The following SYNPR variants were observed in gnomAD, a reference collection of about 807,000 sequenced individuals.
SYNPR encodes synaptoporin.
In SYNPR, 23 loss-of-function variants were observed where a neutral mutation model predicts 32.9. The observed-to-expected ratio is 0.70, with a 90% confidence interval of 0.50 to 0.99. The LOEUF (loss-of-function observed/expected upper bound fraction) is 0.99. SYNPR is among the 50% of genes least tolerant of loss of function. SYNPR has a pLI of 0.00. For missense variants in SYNPR, 318 were observed against 349.3 expected (o/e 0.91, Z 0.71); for synonymous variants, 146 against 135.9 (o/e 1.07, Z -0.52).
intron 3 of SYNPR, among the ~76,000 whole-genome samples, chr3:63,524,285 T>C (rs937223509): frequency 6.6e-6 from 1 of 152,154 alleles, no homozygotes; most frequent in Non-Finnish European, 1.5e-5. Context: ...AATACTGTAC[T>C]CAATGATGTC....
At chr3:63,567,765 C>A (rs969926821) in intron 4 of SYNPR, among the ~76,000 whole-genome samples, 4 of 152,148 alleles carry the variant, frequency 2.6e-5, no homozygotes, top group Non-Finnish European at 4.4e-5. Context: ...GATCTGAATC[C>A]CTTATGAGGG....
chr3:63,347,583 G>C (rs1178368177), intron 2 of SYNPR, among the ~76,000 whole-genome samples: 1 of 152,152 alleles, frequency 6.6e-6, no homozygotes, highest in Non-Finnish European at 1.5e-5. Flanking sequence ...CCATTACCTG[G>C]ATAGTGTACA....
At chr3:63,324,200 A>C (rs1322252711) in intron 2 of SYNPR, among the ~76,000 whole-genome samples, 2 of 152,152 alleles carry the variant, frequency 1.3e-5, no homozygotes, top group Non-Finnish European at 2.9e-5. Flanking sequence ...AAGTATTATT[A>C]ATCTCATTTT....
At chr3:63,419,101 C>T (rs1245933034) in intron 2 of SYNPR, among the ~76,000 whole-genome samples, 1 of 152,156 alleles carries the variant, frequency 6.6e-6, no homozygotes, top group Non-Finnish European at 1.5e-5. Flanking sequence ...GTCAAACAAA[C>T]TCTTATTTAT....
intron 2 of SYNPR, chr3:63,451,956 T>C (rs1203932854): frequency 1.3e-5 from 8 of 618,132 alleles, no homozygotes; most frequent in Non-Finnish European, 2.0e-5. Context: ...CTCTGAGTGG[T>C]ATTTATAAAC....
chr3:63,209,179 G>A, the SYNPR span, among the ~76,000 whole-genome samples: 5 of 152,020 alleles, frequency 3.3e-5, no homozygotes, highest in Admixed American at 6.6e-5. Flanking sequence ...CTAGCCGGGC[G>A]AGGTGGGGGT....
intron 2 of SYNPR, among the ~76,000 whole-genome samples, chr3:63,287,106 G>T (rs1005501051): frequency 6.6e-6 from 1 of 152,172 alleles, no homozygotes; most frequent in Non-Finnish European, 1.5e-5. Context: ...AAAGGATGAT[G>T]CTGCCAGTCG....
intron 2 of SYNPR, among the ~76,000 whole-genome samples, chr3:63,335,974 C>T (rs1456072380): frequency 1.3e-5 from 2 of 151,976 alleles, no homozygotes; most frequent in African/African-American, 4.8e-5. Flanking sequence ...CGGGGTTACT[C>T]CATGTTGGTC....
chr3:63,237,485 G>A (rs1393011288), intron 1 of SYNPR, among the ~76,000 whole-genome samples: 1 of 152,022 alleles, frequency 6.6e-6, no homozygotes, highest in Admixed American at 6.6e-5. Context: ...GCGTTCTTAT[G>A]ATGACTGCTT....
At chr3:63,280,149 A>G (rs1203491538) in intron 2 of SYNPR, among the ~76,000 whole-genome samples, 1 of 152,110 alleles carries the variant, frequency 6.6e-6, no homozygotes, top group East Asian at 1.9e-4. Context: ...TTCTGACATA[A>G]TCTCTTATTG....
At chr3:63,326,123 T>A in intron 2 of SYNPR, among the ~76,000 whole-genome samples, 1 of 152,034 alleles carries the variant, frequency 6.6e-6, no homozygotes, top group African/African-American at 2.4e-5. Context: ...AAGTTTGCCA[T>A]ACCCACACAC....
At chr3:63,390,952 G>T (rs2088125072) in intron 2 of SYNPR, among the ~76,000 whole-genome samples, 1 of 152,188 alleles carries the variant, frequency 6.6e-6, no homozygotes, top group African/African-American at 2.4e-5. Flanking sequence ...CTCCGACTAT[G>T]ATCCCAGCTG....
At chr3:63,474,037 C>T (rs1036551216) in intron 2 of SYNPR, among the ~76,000 whole-genome samples, 4 of 152,120 alleles carry the variant, frequency 2.6e-5, no homozygotes, top group Non-Finnish European at 5.9e-5. Flanking sequence ...AGCACAATGA[C>T]AAGTGGGCGG....
Position 63,557,064 on chromosome 3 carries a change from T to C in SYNPR, c.408+323T>C, listed in dbSNP as rs867148748. ...AGCATTGTGGAGTTATATTATAGGA[T>C]GATCATATATTAATAATTGTTTAGT... is the stretch of plus-strand genomic sequence containing the variant. On this transcript the variant is annotated intron_variant, in intron 4 of 5. Coordinates refer to ENST00000478300, the MANE Select transcript of SYNPR (RefSeq NM_001130003.2). Among the ~76,000 whole-genome samples the C allele has an allele frequency of 2.0e-5, 3 of 152,202 alleles. No individual in the cohort carries two copies. The South Asian group carries it at 6.2e-4, about 31-fold the overall frequency.
chr3:63,460,859 G>A (rs1360729637), intron 2 of SYNPR, among the ~76,000 whole-genome samples: 1 of 152,088 alleles, frequency 6.6e-6, no homozygotes, highest in Non-Finnish European at 1.5e-5. Flanking sequence ...AAGGCTGGAG[G>A]CAGGTACAGC....
intron 2 of SYNPR, among the ~76,000 whole-genome samples, chr3:63,355,519 T>C (rs1000958935): frequency 1.3e-4 from 20 of 152,158 alleles, no homozygotes; most frequent in African/African-American, 4.6e-4. Flanking sequence ...GCCAGAGTTA[T>C]CCTTTGAAAA....
chr3:63,228,047 A>G (rs2086141984), upstream of SYNPR, among the ~76,000 whole-genome samples: 1 of 152,156 alleles, frequency 6.6e-6, no homozygotes, highest in South Asian at 2.1e-4. Context: ...GGTTTTAAGG[A>G]AGAGGGTGAT....
intron 2 of SYNPR, among the ~76,000 whole-genome samples, chr3:63,286,475 G>A (rs1484764704): frequency 6.6e-6 from 1 of 152,138 alleles, no homozygotes; most frequent in Non-Finnish European, 1.5e-5. Flanking sequence ...CAGGCCCTTG[G>A]GTGTTCCCCC....
At chr3:63,600,031 A>T (rs1700015307) in intron 4 of SYNPR, among the ~76,000 whole-genome samples, 1 of 152,228 alleles carries the variant, frequency 6.6e-6, no homozygotes, top group African/African-American at 2.4e-5. Flanking sequence ...TATACCAAAA[A>T]TCATCTTTCT....
Sources: gnomAD v4.1 joint callset for allele counts (sites outside exome capture counted in the v4.1 genomes callset) on GRCh38, gnomAD v4.1.1 for gene constraint, MANE v1.5 for transcripts, NCBI Gene and HGNC (gene_info 2026-07-23, HGNC 2026-07-21) for gene names.